The following SOX5 variants were observed in gnomAD, a reference collection of about 807,000 sequenced individuals.
The protein encoded by SOX5 is transcription factor SOX-5.
SOX5 carries 9 observed loss-of-function variants against 92.0 expected under a neutral mutation model. The observed-to-expected ratio is 0.10, with a 90% CI of 0.06 to 0.17. The LOEUF (loss-of-function observed/expected upper bound fraction) is 0.17. Ranked by LOEUF, SOX5 falls within the 10% of genes least tolerant of loss-of-function variation. The pLI is 1.00. For missense variants in SOX5, 642 were observed against 944.5 expected (o/e 0.68, Z 4.20); for synonymous variants, 344 against 336.3 (o/e 1.02, Z -0.25).
intron 8 of SOX5, among the ~76,000 whole-genome samples, chr12:23,624,758 T>A (rs1348317644): frequency 6.6e-6 from 1 of 152,184 alleles, no homozygotes; most frequent in Non-Finnish European, 1.5e-5. Context: ...ACAGAGGTGG[T>A]GAAAATTCAG....
chr12:24,474,111 C>T (rs1945097935), intron 1 of SOX5, among the ~76,000 whole-genome samples: 1 of 151,802 alleles, frequency 6.6e-6, no homozygotes, highest in Non-Finnish European at 1.5e-5. Flanking sequence ...GACTAAATAC[C>T]TGGAAGGCAT....
intron 3 of SOX5, among the ~76,000 whole-genome samples, chr12:24,214,828 C>A (rs532590086): frequency 4.6e-5 from 7 of 151,898 alleles, no homozygotes; most frequent in Non-Finnish European, 8.8e-5. Context: ...AATTTATATT[C>A]TTTTTCATTT....
intron 4 of SOX5, among the ~76,000 whole-genome samples, chr12:24,149,627 T>C (rs1395312840): frequency 2.0e-5 from 3 of 152,168 alleles, no homozygotes; most frequent in Admixed American, 6.6e-5. Flanking sequence ...AAAAGTTATA[T>C]GTGCATCTAC....
At chr12:23,774,356 T>C (rs1320809375) in intron 3 of SOX5, among the ~76,000 whole-genome samples, 1 of 152,210 alleles carries the variant, frequency 6.6e-6, no homozygotes, top group African/African-American at 2.4e-5. Context: ...TTACATATTT[T>C]GGTTATAATT....
intron 4 of SOX5, among the ~76,000 whole-genome samples, chr12:24,104,815 T>G (rs988047279): frequency 6.6e-6 from 1 of 152,212 alleles, no homozygotes; most frequent in African/African-American, 2.4e-5. Flanking sequence ...AATATAACAG[T>G]TGGGTTTTAT....
intron 9 of SOX5, among the ~76,000 whole-genome samples, chr12:23,576,807 GTTCCT>G (rs1303560241): frequency 6.6e-6 from 1 of 151,856 alleles, no homozygotes; most frequent in Non-Finnish European, 1.5e-5. Context: ...AAGTTATTTT[GTTCCT>G]TTCGTGTGCT....
rs3112132 is a variant in SOX5 at position 24,541,911 on chromosome 12, A to G, written c.-251+20418T>C. Reference sequence around the variant, plus strand: ...ATTTCAAAGACCCATTTAGTCACGTAGCAGGCCACGAAAAACAGTACAGTG... The same window carrying G: ...ATTTCAAAGACCCATTTAGTCACGTGGCAGGCCACGAAAAACAGTACAGTG... On this transcript the variant is annotated intron_variant, in intron 1 of 4. Transcript: ENST00000446891. Among the ~76,000 whole-genome samples, 267 of 152,332 alleles carry G rather than the reference A, an allele frequency of 1.8e-3. 2 individuals are homozygous for G. Among genetic ancestry groups the G allele is most frequent in the African/African-American group, 4.8e-3 (201 of 41,572 alleles).
rs143820639 is a variant in SOX5, at chr12:23,667,179, T to C, written c.811-1615A>G. Among the ~76,000 whole-genome samples the C allele has an allele frequency of 4.3e-3, 656 of 152,080 alleles. 3 individuals are homozygous for C. Among genetic ancestry groups the C allele is most frequent in the African/African-American group, 0.015 (639 of 41,514 alleles). ...AAGCAATATGTGAATGGTAGATCTG[T>C]TTTCAGCAATGACACCAAATTACAA... On this transcript the variant is annotated intron_variant, in intron 6 of 14. Transcript: ENST00000451604.
chr12:23,561,167 A>AT (rs928828887), intron 11 of SOX5, among the ~76,000 whole-genome samples: 1 of 152,190 alleles, frequency 6.6e-6, no homozygotes, highest in East Asian at 1.9e-4. Context: ...TCAAAAATGG[A>AT]TTTTTTTAAA....
chr12:24,470,326 A>T (rs1347141499), intron 1 of SOX5, among the ~76,000 whole-genome samples: 2 of 152,200 alleles, frequency 1.3e-5, no homozygotes, highest in Non-Finnish European at 2.9e-5. Context: ...AAGATAGATC[A>T]TTACTGACAC....
intron 4 of SOX5, among the ~76,000 whole-genome samples, chr12:23,983,188 C>T (rs1323552781): frequency 1.3e-5 from 2 of 151,648 alleles, no homozygotes; most frequent in Non-Finnish European, 2.9e-5. Flanking sequence ...TGGGCAGATG[C>T]CATCCTACCC....
chr12:23,812,384 A>T (rs1252366654), intron 3 of SOX5, among the ~76,000 whole-genome samples: 2 of 152,132 alleles, frequency 1.3e-5, no homozygotes, highest in Non-Finnish European at 2.9e-5. Flanking sequence ...CATTTTACAT[A>T]CTTTGGGTCA....
chr12:23,976,820 T>G (rs7133708), intron 4 of SOX5, among the ~76,000 whole-genome samples: 55,685 of 151,662 alleles, frequency 0.37, 10,345 homozygotes, highest in African/African-American at 0.42. Context: ...TGTTGTTGTT[T>G]TTTTTTTTAA....
chr12:24,196,333 G>A (rs1468708488), intron 4 of SOX5, among the ~76,000 whole-genome samples: 2 of 152,176 alleles, frequency 1.3e-5, no homozygotes, highest in African/African-American at 4.8e-5. Context: ...TGATAAAACA[G>A]TAACAATGTA....
intron 14 of SOX5, 119 bp downstream of exon 14, chr12:23,536,334 T>C: frequency 1.3e-6 from 1 of 774,464 alleles, no homozygotes; most frequent in Non-Finnish European, 2.1e-6. Context: ...TCTCTGAAAA[T>C]ACTGTGAGCT....
rs148471602 is a variant in SOX5 at position 24,051,585 on chromosome 12, G to T, written c.-1-155561C>A. Among the ~76,000 whole-genome samples, 833 of 152,194 alleles carry T rather than the reference G, an allele frequency of 5.5e-3. 7 individuals carry two copies. Among genetic ancestry groups the T allele is most frequent in the African/African-American group, 0.019 (806 of 41,548 alleles). On this transcript the variant is annotated intron_variant, in intron 4 of 4. Coordinates refer to the SOX5 transcript ENST00000446891. Reference sequence around the variant, plus strand: ...GTAATTTTTTACATTTAAGATTGTAGACTAACAGAAAAAATCCACAAGAAA... The same window carrying T: ...GTAATTTTTTACATTTAAGATTGTATACTAACAGAAAAAATCCACAAGAAA...
At chr12:23,638,349 T>C (rs905106251) in intron 8 of SOX5, 2 of 152,120 alleles carry the variant, frequency 1.3e-5, no homozygotes, top group Non-Finnish European at 2.9e-5. Context: ...GAAATGGATA[T>C]GAGATTAAAG....
At chr12:24,371,105 CTT>C in intron 1 of SOX5, among the ~76,000 whole-genome samples, 1 of 152,130 alleles carries the variant, frequency 6.6e-6, no homozygotes. Flanking sequence ...TTACGTATGT[CTT>C]TTACATTTTA....
At chr12:23,716,673 G>T (rs929740995) in intron 6 of SOX5, among the ~76,000 whole-genome samples, 1 of 152,082 alleles carries the variant, frequency 6.6e-6, no homozygotes, top group Admixed American at 6.5e-5. Context: ...CGTATGTTCT[G>T]GTTCTCTTAT....
Sources: allele counts gnomAD v4.1 joint callset (sites outside exome capture counted in the v4.1 genomes callset), GRCh38; gene constraint gnomAD v4.1.1; transcripts MANE v1.5; gene names NCBI Gene and HGNC (gene_info 2026-07-23, HGNC 2026-07-21).